Variants in EYA1 observed in about 807,000 individuals in gnomAD.
EYA1 encodes the protein protein phosphatase EYA1.
EYA1 carries 16 observed loss-of-function variants against 82.0 expected under a neutral mutation model. The ratio of observed to expected loss-of-function variants is 0.20; its 90% CI spans 0.13 to 0.30. The LOEUF is 0.30. Ranked by LOEUF, EYA1 falls within the 10% of genes least tolerant of loss-of-function variation. The pLI, the probability that EYA1 is intolerant of heterozygous loss-of-function variation, is 1.00. For synonymous variants in EYA1, 261 were observed against 264.4 expected (o/e 0.99, Z 0.12); for missense variants, 633 against 730.7 (o/e 0.87, Z 1.54).
At chr8:71,279,832 A>G (rs2128966417) in intron 9 of EYA1, among the ~76,000 whole-genome samples, 1 of 152,254 alleles carries the variant, frequency 6.6e-6, no homozygotes, top group South Asian at 2.1e-4. Context: ...TAAACATTTA[A>G]TTCTCCTTTT....
At chr8:71,338,554 G>T (rs1824764689) in intron 3 of EYA1, among the ~76,000 whole-genome samples, 1 of 152,168 alleles carries the variant, frequency 6.6e-6, no homozygotes, top group Non-Finnish European at 1.5e-5. Context: ...ATCATACCAT[G>T]ATTCCATGCT....
At chr8:71,225,316 G>A in intron 12 of EYA1, 1 of 456,202 alleles carries the variant, frequency 2.2e-6, no homozygotes, top group Non-Finnish European at 4.4e-6. Flanking sequence ...CTGGAGATGG[G>A]GAGGGTATGT....
In EYA1 at chr8:71,361,733, C is replaced by T. The variant is rs920668388; in HGVS notation, c.-141G>A. 2.0e-6 allele frequency: 2 copies of T among 985,408 alleles called. No homozygotes were observed. The highest frequency in any genetic ancestry group is 2.3e-4 in the East Asian group (2 of 8,818). The allele number at this position is 985,408 out of a possible 1,614,324, so 61.0% of individuals were successfully genotyped here. A position where few individuals can be genotyped will look rare whatever the true frequency, so the allele number is the denominator to read the frequency against. On this transcript the variant is annotated 5_prime_UTR_variant, in exon 1 of 18. Coordinates refer to ENST00000340726, the MANE Select transcript of EYA1 (RefSeq NM_000503.6). ...AACCTCCATTCCTGACATAGTTTTG[C>T]TCCTGGATGGGTACGCGCGGGGGCT...
At chr8:71,390,287 T>TA (rs1474549123) in intron 2 of EYA1, among the ~76,000 whole-genome samples, 1 of 151,708 alleles carries the variant, frequency 6.6e-6, no homozygotes, top group Non-Finnish European at 1.5e-5. Context: ...TTTTTTTTTT[T>TA]AGAGCCAGAG....
chr8:71,317,636 G>A lies in EYA1; in HGVS notation c.472C>T (p.Pro158Ser), dbSNP rs142344434. Residue 158 changes from proline to serine, a missense_variant, in exon 7 of 18, where the codon CCT (proline) becomes TCT (serine). Pro to Ser is a moderately conservative substitution (Grantham distance 74). Coordinates refer to ENST00000340726, the MANE Select transcript of EYA1 (RefSeq NM_000503.6). ...TAGCTGAGAAATCCTGTCTGTCCAG[G>A]TGACTGAGACTGTGACAATCCACCT... ...TEGGLSQSQSPGQTGFLSYGT... is the reference protein window; with the variant it reads ...TEGGLSQSQSSGQTGFLSYGT... The A allele has an allele frequency of 9.9e-6, 16 of 1,613,970 alleles. No homozygotes were observed. The highest frequency in any genetic ancestry group is 1.4e-5 in the Non-Finnish European group (16 of 1,179,948).
At position 71,354,937 on chromosome 8, in the gene EYA1, A is replaced by G. The variant is rs778786852; in HGVS notation, c.-4-28T>C. On this transcript the variant is annotated intron_variant, in intron 2 of 17. Transcript: ENST00000340726. ...AAAGACAAGAAGCCTTCCATTTGAC[A>G]GATGTACCAAATTCATAACACCACC... 3 of 1,610,238 alleles carry G rather than the reference A, an allele frequency of 1.9e-6. No homozygotes were observed. In the Admixed American group the frequency reaches 5.0e-5, roughly 27 times the overall value.
upstream of EYA1, among the ~76,000 whole-genome samples, chr8:71,366,195 C>G (rs1389903515): frequency 1.3e-5 from 2 of 151,858 alleles, no homozygotes; most frequent in Non-Finnish European, 2.9e-5. Context: ...AGCAGCACTT[C>G]TTGAAACTAA....
In EYA1 at chr8:71,328,501, C is replaced by CT. The variant is rs1245015342; in HGVS notation, c.202+5595dup. Among the ~76,000 whole-genome samples, 3 of 152,222 alleles carry CT rather than the reference C, an allele frequency of 2.0e-5. No individual in the cohort carries two copies. In the East Asian group the frequency reaches 5.8e-4, roughly 29 times the overall value. ...GCTTCAGCCTCTCCACCACCTACCC[C>CT]TTCACCTTCAGCTAAGCCCTTCTCC... is the stretch of plus-strand genomic sequence containing the variant. On this transcript the variant is annotated intron_variant, in intron 4 of 17. Coordinates refer to ENST00000340726, the MANE Select transcript of EYA1 (RefSeq NM_000503.6).
chr8:71,507,242 G>A (rs1016660824), intron 2 of EYA1, among the ~76,000 whole-genome samples: 5 of 152,118 alleles, frequency 3.3e-5, no homozygotes. Flanking sequence ...ATTTGCCCAA[G>A]GTCACAGAGC....
At chr8:71,242,082 A>G (rs2128899473) in intron 12 of EYA1, among the ~76,000 whole-genome samples, 1 of 152,168 alleles carries the variant, frequency 6.6e-6, no homozygotes, top group Non-Finnish European at 1.5e-5. Flanking sequence ...GGTGGTGTGT[A>G]TCTGTAATCC....
intron 11 of EYA1, among the ~76,000 whole-genome samples, chr8:71,253,727 T>C (rs576403485): frequency 3.9e-5 from 6 of 152,256 alleles, no homozygotes; most frequent in African/African-American, 1.4e-4. Flanking sequence ...GGGTGGTAAA[T>C]TGAACTTCAC....
intron 2 of EYA1, among the ~76,000 whole-genome samples, chr8:71,418,927 G>T (rs1241553669): frequency 6.6e-6 from 1 of 152,124 alleles, no homozygotes; most frequent in Non-Finnish European, 1.5e-5. Flanking sequence ...AGATATCTGG[G>T]GGAGAGCACC....
intron 9 of EYA1, among the ~76,000 whole-genome samples, chr8:71,294,910 AAG>A (rs1819437198): frequency 6.6e-6 from 1 of 152,222 alleles, no homozygotes; most frequent in Non-Finnish European, 1.5e-5. Context: ...AATGGAACAG[AAG>A]AGAGAGCCCT....
intron 1 of EYA1, among the ~76,000 whole-genome samples, chr8:71,543,974 C>G (rs971545663): frequency 1.3e-5 from 2 of 152,140 alleles, no homozygotes; most frequent in African/African-American, 4.8e-5. Context: ...CTGACTCTTA[C>G]TTTTCATTGC....
intron 2 of EYA1, among the ~76,000 whole-genome samples, chr8:71,495,961 T>C (rs951549475): frequency 1.3e-5 from 2 of 152,118 alleles, no homozygotes; most frequent in African/African-American, 2.4e-5. Flanking sequence ...AAAAGCAAAG[T>C]TTTGCAAAAG....
intron 9 of EYA1, among the ~76,000 whole-genome samples, chr8:71,292,189 G>C (rs1020618003): frequency 2.0e-4 from 30 of 152,148 alleles, no homozygotes; most frequent in African/African-American, 6.7e-4. Context: ...GTAGTAATAT[G>C]ACTTAAGCTT....
intron 11 of EYA1, among the ~76,000 whole-genome samples, chr8:71,251,601 A>C (rs1221367250): frequency 6.6e-6 from 1 of 152,248 alleles, no homozygotes; most frequent in Non-Finnish European, 1.5e-5. Flanking sequence ...TCAAAGTAAC[A>C]TTATGTAGAA....
chr8:71,518,799 A>T (rs1813175143), intron 2 of EYA1, among the ~76,000 whole-genome samples: 1 of 152,168 alleles, frequency 6.6e-6, no homozygotes, highest in Non-Finnish European at 1.5e-5. Flanking sequence ...AACGGGGTTG[A>T]CATGTTTGTG....
intron 2 of EYA1, among the ~76,000 whole-genome samples, chr8:71,470,113 T>A (rs1432642445): frequency 6.6e-6 from 1 of 152,108 alleles, no homozygotes; most frequent in African/African-American, 2.4e-5. Context: ...GTTCTCCCTT[T>A]GCTAGTGTTC....
Sources: allele counts gnomAD v4.1 joint callset (sites outside exome capture counted in the v4.1 genomes callset), GRCh38; gene constraint gnomAD v4.1.1; transcripts MANE v1.5; gene names NCBI Gene and HGNC (gene_info 2026-07-23, HGNC 2026-07-21).